The following CDH13 variants were observed in gnomAD, a reference collection of about 807,000 sequenced individuals.
CDH13 encodes cadherin-13.
In CDH13, 24 loss-of-function variants were observed where a neutral mutation model predicts 63.8. The observed-to-expected ratio is 0.38, with a 90% confidence interval of 0.27 to 0.53. The LOEUF (loss-of-function observed/expected upper bound fraction) is 0.53. CDH13 is among the 20% of genes least tolerant of loss of function. The pLI, the probability that CDH13 is intolerant of heterozygous loss-of-function variation, is 0.85. For missense variants in CDH13, 1,049 were observed against 903.1 expected (o/e 1.16, Z -2.07); for synonymous variants, 503 against 355.3 (o/e 1.42, Z -4.67).
intron 7 of CDH13, among the ~76,000 whole-genome samples, chr16:83,528,701 G>A (rs1488389828): frequency 2.0e-5 from 3 of 152,176 alleles, no homozygotes; most frequent in Non-Finnish European, 4.4e-5. Flanking sequence ...GTGCTGAGAT[G>A]TAACGAACAG....
intron 4 of CDH13, among the ~76,000 whole-genome samples, chr16:83,194,534 C>A (rs2038817715): frequency 1.3e-5 from 2 of 152,188 alleles, no homozygotes; most frequent in South Asian, 4.1e-4. Context: ...TTCTCACCTC[C>A]CATTCAGGGC....
At chr16:83,627,424 C>T (rs1366917624) in intron 8 of CDH13, among the ~76,000 whole-genome samples, 3 of 152,220 alleles carry the variant, frequency 2.0e-5, no homozygotes, top group Non-Finnish European at 4.4e-5. Context: ...CTGAATAGTG[C>T]CAACTCCAGG....
intron 10 of CDH13, among the ~76,000 whole-genome samples, chr16:83,708,480 T>C (rs1312798715): frequency 6.6e-6 from 1 of 152,202 alleles, no homozygotes; most frequent in Admixed American, 6.5e-5. Context: ...TTGTTCTCTT[T>C]CTGTCTTTTT....
intron 2 of CDH13, among the ~76,000 whole-genome samples, chr16:82,977,193 T>A (rs186010311): frequency 1.8e-4 from 27 of 152,326 alleles, no homozygotes; most frequent in African/African-American, 6.5e-4. Context: ...CTCTCTGGGA[T>A]TGCTAGAGAG....
chr16:83,587,478 G>A (rs1479674849), intron 7 of CDH13, among the ~76,000 whole-genome samples: 4 of 152,276 alleles, frequency 2.6e-5, no homozygotes, highest in Admixed American at 6.5e-5. Flanking sequence ...GTTTTGACCA[G>A]TATGTAACTG....
chr16:83,195,354 G>T (rs911348618), intron 4 of CDH13, among the ~76,000 whole-genome samples: 1 of 152,176 alleles, frequency 6.6e-6, no homozygotes, highest in African/African-American at 2.4e-5. Context: ...AAGTAAAGAG[G>T]TTGAATTGAC....
chr16:83,781,498 T>C (rs562504325), intron 12 of CDH13, among the ~76,000 whole-genome samples: 1 of 152,254 alleles, frequency 6.6e-6, no homozygotes, highest in Admixed American at 6.5e-5. Flanking sequence ...TAACATTTTC[T>C]ATTTAAAAAT....
chr16:83,300,646 C>G (rs907881108), intron 5 of CDH13, among the ~76,000 whole-genome samples: 12 of 152,232 alleles, frequency 7.9e-5, no homozygotes, highest in African/African-American at 2.9e-4. Context: ...CTCCCAGAAC[C>G]TAGTATCTTG....
At chr16:82,998,499 C>A (rs897065177) in intron 2 of CDH13, among the ~76,000 whole-genome samples, 1 of 152,120 alleles carries the variant, frequency 6.6e-6, no homozygotes, top group Admixed American at 6.5e-5. Context: ...GATGATAAAA[C>A]AAATGAGATC....
intron 3 of CDH13, among the ~76,000 whole-genome samples, chr16:83,045,985 G>A (rs929809972): frequency 2.0e-5 from 3 of 152,228 alleles, no homozygotes; most frequent in African/African-American, 7.2e-5. Flanking sequence ...CCTTTGGCCT[G>A]GGAGTGATGT....
At chr16:82,992,448 G>A (rs543783910) in intron 2 of CDH13, among the ~76,000 whole-genome samples, 1 of 152,094 alleles carries the variant, frequency 6.6e-6, no homozygotes, top group Non-Finnish European at 1.5e-5. Context: ...TGAGACTTTG[G>A]GCTCTACGTG....
At chr16:82,793,101 T>A (rs2036401518) in intron 1 of CDH13, among the ~76,000 whole-genome samples, 1 of 152,194 alleles carries the variant, frequency 6.6e-6, no homozygotes, top group African/African-American at 2.4e-5. Flanking sequence ...CACTAAGGCA[T>A]TTCAGGGGCG....
chr16:83,400,244 A>G (rs1364307), intron 6 of CDH13, among the ~76,000 whole-genome samples: 105,959 of 152,014 alleles, frequency 0.7, 37,099 homozygotes, highest in East Asian at 0.81. Context: ...AGAAATGTCT[A>G]TGTGGCTGCC....
chr16:83,010,657 C>G (rs1597401994), intron 2 of CDH13, among the ~76,000 whole-genome samples: 1 of 152,248 alleles, frequency 6.6e-6, no homozygotes, highest in East Asian at 1.9e-4. Flanking sequence ...GAATCTGCTG[C>G]AAACAGGGCT....
At chr16:82,843,837 T>A (rs2039135694) in intron 1 of CDH13, among the ~76,000 whole-genome samples, 1 of 152,216 alleles carries the variant, frequency 6.6e-6, no homozygotes, top group Non-Finnish European at 1.5e-5. Context: ...CATAGTCTAA[T>A]TGTTCAATTG....
rs1273510455 is a variant in CDH13, at chr16:82,996,807, ATGG to A, written c.158-35197_158-35195del. 2.7e-5 allele frequency among the ~76,000 whole-genome samples: 4 copies of A among 150,618 alleles called. No individual in the cohort carries two copies. The East Asian group carries it at 5.8e-4, about 22-fold the overall frequency. ...GATGGTGGGGGTAATGGTGATGGTGATGGTGGTGATGATGATAGTGATGGTGAT... is the reference window on the plus strand; with the variant it reads ...GATGGTGGGGGTAATGGTGATGGTGATGGTGATGATGATAGTGATGGTGAT... On this transcript the variant is annotated intron_variant, in intron 2 of 13. Transcript: ENST00000567109.
intron 2 of CDH13, among the ~76,000 whole-genome samples, chr16:83,027,579 C>T (rs545481981): frequency 1.6e-3 from 248 of 152,146 alleles, no homozygotes; most frequent in Middle Eastern, 0.01. Context: ...TCATGGAGGA[C>T]CTTGAGTGCT....
intron 5 of CDH13, among the ~76,000 whole-genome samples, chr16:83,249,166 A>G (rs1905245281): frequency 6.6e-6 from 1 of 152,204 alleles, no homozygotes; most frequent in Non-Finnish European, 1.5e-5. Context: ...CAAGTTATTA[A>G]TATATGTCAC....
intron 1 of CDH13, among the ~76,000 whole-genome samples, chr16:82,854,272 G>C: frequency 6.6e-6 from 1 of 151,910 alleles, no homozygotes; most frequent in Non-Finnish European, 1.5e-5. Flanking sequence ...GTGGTGGCTG[G>C]CACCTGCAGT....
Sources: allele counts gnomAD v4.1 joint callset (sites outside exome capture counted in the v4.1 genomes callset), GRCh38; gene constraint gnomAD v4.1.1; transcripts MANE v1.5; gene names NCBI Gene and HGNC (gene_info 2026-07-23, HGNC 2026-07-21).